QKI: variants seen among roughly 807,000 people sequenced by gnomAD.
QKI encodes the protein KH domain-containing RNA-binding protein QKI.
In QKI, 10 loss-of-function variants were observed where a neutral mutation model predicts 39.0. The observed-to-expected ratio is 0.26, with a 90% CI of 0.16 to 0.43. QKI has a LOEUF of 0.43. Ranked by LOEUF, QKI falls within the 20% of genes least tolerant of loss-of-function variation. The pLI, the probability that QKI is intolerant of heterozygous loss-of-function variation, is 1.00. For synonymous variants in QKI, 204 were observed against 155.4 expected (o/e 1.31, Z -2.33); for missense variants, 218 against 428.0 (o/e 0.51, Z 4.33).
intron 3 of QKI, among the ~76,000 whole-genome samples, chr6:163,516,442 A>G (rs6906008): frequency 0.79 from 119,534 of 151,960 alleles, 47,187 homozygotes; most frequent in East Asian, 0.99. Context: ...CTATAGGCGC[A>G]CACCACCATG....
intron 3 of QKI, among the ~76,000 whole-genome samples, chr6:163,515,490 T>C (rs1021600952): frequency 1.3e-5 from 2 of 152,048 alleles, no homozygotes; most frequent in Non-Finnish European, 2.9e-5. Context: ...AATGGAGAGA[T>C]GGAAATATAA....
intron 4 of QKI, among the ~76,000 whole-genome samples, chr6:163,558,844 C>G (rs1235745713): frequency 3.9e-5 from 6 of 152,128 alleles, no homozygotes; most frequent in Non-Finnish European, 8.8e-5. Context: ...AAATCCTGTG[C>G]ATTTCTGGGA....
At chr6:163,502,069 T>C (rs1231170076) in intron 3 of QKI, among the ~76,000 whole-genome samples, 1 of 152,150 alleles carries the variant, frequency 6.6e-6, no homozygotes, top group Non-Finnish European at 1.5e-5. Context: ...ACACCTGTAA[T>C]CCCAGCACTT....
chr6:163,503,956 T>C (rs1003351383), intron 3 of QKI, among the ~76,000 whole-genome samples: 2 of 152,080 alleles, frequency 1.3e-5, no homozygotes, highest in African/African-American at 4.8e-5. Flanking sequence ...TTGCCCAAGC[T>C]GGTCTCGAAC....
At chr6:163,510,126 G>T (rs1410698954) in intron 3 of QKI, among the ~76,000 whole-genome samples, 1 of 151,894 alleles carries the variant, frequency 6.6e-6, no homozygotes, top group Non-Finnish European at 1.5e-5. Context: ...TGAGGCAGGA[G>T]AATCGCTTGA....
At chr6:163,469,030 G>A (rs1373784397) in intron 2 of QKI, among the ~76,000 whole-genome samples, 1 of 151,916 alleles carries the variant, frequency 6.6e-6, no homozygotes, top group African/African-American at 2.4e-5. Context: ...GTGGCTTCTT[G>A]GGGCAATAGT....
chr6:163,455,787 G>T (rs2128219335), intron 2 of QKI, among the ~76,000 whole-genome samples: 1 of 152,264 alleles, frequency 6.6e-6, no homozygotes, highest in Non-Finnish European at 1.5e-5. Flanking sequence ...TAAAATGAAG[G>T]TGTTGGACCA....
At chr6:163,493,413 G>A (rs1434310076) in intron 3 of QKI, among the ~76,000 whole-genome samples, 2 of 152,288 alleles carry the variant, frequency 1.3e-5, no homozygotes, top group Admixed American at 1.3e-4. Flanking sequence ...ACAGGCATGA[G>A]CCACCGTGCC....
At chr6:163,465,784 C>G (rs567710686) in intron 2 of QKI, among the ~76,000 whole-genome samples, 1 of 151,890 alleles carries the variant, frequency 6.6e-6, no homozygotes, top group Non-Finnish European at 1.5e-5. Flanking sequence ...AATCAACATA[C>G]AAAAATCAGT....
intron 3 of QKI, among the ~76,000 whole-genome samples, chr6:163,501,286 TAA>T (rs5881537): frequency 6.8e-6 from 1 of 146,574 alleles, no homozygotes; most frequent in African/African-American, 2.5e-5. Context: ...GTTTTAACAT[TAA>T]AAAAAAAAAA....
At chr6:163,436,660 A>G (rs1178756332) in intron 1 of QKI, among the ~76,000 whole-genome samples, 1 of 151,888 alleles carries the variant, frequency 6.6e-6, no homozygotes, top group Non-Finnish European at 1.5e-5. Context: ...CTAAAACTAC[A>G]AAAATTAGCT....
At chr6:163,470,423 G>A (rs994918041) in intron 2 of QKI, among the ~76,000 whole-genome samples, 1 of 152,104 alleles carries the variant, frequency 6.6e-6, no homozygotes, top group African/African-American at 2.4e-5. Flanking sequence ...GTAATAGTAG[G>A]TGCCTGGCAG....
intron 4 of QKI, among the ~76,000 whole-genome samples, chr6:163,552,903 A>G (rs1374694640): frequency 2.0e-5 from 3 of 151,858 alleles, no homozygotes; most frequent in South Asian, 2.1e-4. Context: ...TCAGGCAATC[A>G]TTACAACATC....
chr6:163,437,754 T>C (rs1789427760), intron 1 of QKI, among the ~76,000 whole-genome samples: 1 of 152,182 alleles, frequency 6.6e-6, no homozygotes, highest in Admixed American at 6.5e-5. Context: ...ATTACGGTAA[T>C]GCAAATATAC....
At chr6:163,469,438 G>A (rs1792019328) in intron 2 of QKI, among the ~76,000 whole-genome samples, 1 of 152,122 alleles carries the variant, frequency 6.6e-6, no homozygotes, top group African/African-American at 2.4e-5. Context: ...GACAATTTGG[G>A]AAAAGATCTG....
At chr6:163,523,307 A>G (rs1413383115) in intron 3 of QKI, among the ~76,000 whole-genome samples, 1 of 152,252 alleles carries the variant, frequency 6.6e-6, no homozygotes, top group Non-Finnish European at 1.5e-5. Flanking sequence ...AAAAATACAC[A>G]TGTGGAATGC....
chr6:163,425,884 GA>G (rs1788366269), intron 1 of QKI, among the ~76,000 whole-genome samples: 1 of 152,162 alleles, frequency 6.6e-6, no homozygotes, highest in Admixed American at 6.5e-5. Flanking sequence ...TTGCCTTGAA[GA>G]AAATTTTGTC....
At chr6:163,530,437 G>T (rs1358577393) in intron 3 of QKI, among the ~76,000 whole-genome samples, 1 of 152,122 alleles carries the variant, frequency 6.6e-6, no homozygotes, top group Non-Finnish European at 1.5e-5. Flanking sequence ...ACCTTTTGGG[G>T]TGTGTTTTAT....
chr6:163,552,217 T>G (rs987253427), intron 4 of QKI, among the ~76,000 whole-genome samples: 5 of 144,552 alleles, frequency 3.5e-5, no homozygotes, highest in Non-Finnish European at 7.5e-5. Flanking sequence ...TTTTTTTTTT[T>G]TTTTTTTTTT....
Sources: allele counts gnomAD v4.1 joint callset (sites outside exome capture counted in the v4.1 genomes callset), GRCh38; gene constraint gnomAD v4.1.1; transcripts MANE v1.5; gene names NCBI Gene and HGNC (gene_info 2026-07-23, HGNC 2026-07-21).